Variants in PAFAH1B1 observed in about 807,000 individuals in gnomAD.
The protein encoded by PAFAH1B1 is platelet-activating factor acetylhydrolase IB subunit beta.
In PAFAH1B1, 2 loss-of-function variants were observed where a neutral mutation model predicts 57.5. That is an observed-to-expected ratio of 0.03 (90% CI 0.01 to 0.11). The LOEUF (loss-of-function observed/expected upper bound fraction) is 0.11. Ranked by LOEUF, PAFAH1B1 falls within the 10% of genes least tolerant of loss-of-function variation. The pLI, the probability that PAFAH1B1 is intolerant of heterozygous loss-of-function variation, is 1.00. For missense variants in PAFAH1B1, 257 were observed against 512.0 expected, an observed-to-expected ratio of 0.50 and a Z score of 4.81; for synonymous variants, 152 against 169.6, an observed-to-expected ratio of 0.90 and a Z score of 0.81.
intron 1 of PAFAH1B1, among the ~76,000 whole-genome samples, chr17:2,601,738 G>C (rs540883974): frequency 7.1e-4 from 108 of 151,986 alleles, no homozygotes; most frequent in Middle Eastern, 3.4e-3. Context: ...CACGGCGCCC[G>C]GCCTAATTTT....
chr17:2,680,251 G>C lies in PAFAH1B1; in HGVS notation c.1090G>C (p.Val364Leu). 1 of 1,614,046 alleles carries C rather than the reference G, an allele frequency of 6.2e-7. No homozygotes were observed. The change falls in exon 10 of 11, where the codon GTA becomes CTA. Residue 364 changes from valine (V) to leucine (L), a missense_variant. Physicochemically the swap from Val to Leu is conservative, Grantham distance 32. Coordinates refer to ENST00000397195, the MANE Select transcript of PAFAH1B1 (RefSeq NM_000430.4). ...TTGTGCTGATGACAAGACCCTACGC[G>C]TATGGGATTACAAGAACAAGCGATG... is the stretch of plus-strand genomic sequence containing the variant. ...LSCADDKTLR[V>L]WDYKNKRCMK...
intron 1 of PAFAH1B1, among the ~76,000 whole-genome samples, chr17:2,625,243 G>T (rs998228987): frequency 6.6e-5 from 10 of 152,016 alleles, no homozygotes; most frequent in African/African-American, 2.4e-4. Context: ...AGAAAGTCTG[G>T]ATATTGACAT....
chr17:2,666,650 TACTAAG>T lies in PAFAH1B1; in HGVS notation c.193-340_193-335del, dbSNP rs534154908. 1.2e-4 allele frequency among the ~76,000 whole-genome samples: 19 copies of T among 152,278 alleles called. No homozygotes were observed. In the South Asian group the frequency reaches 3.9e-3, roughly 32 times the overall value. ...TATATAATGTGGTTTGGAAAGAACTTACTAAGAGTAGCAGCCTTAGAGGGACCAAGA... is the reference window on the plus strand; with the variant it reads ...TATATAATGTGGTTTGGAAAGAACTTAGTAGCAGCCTTAGAGGGACCAAGA... On this transcript the variant is annotated intron_variant, in intron 4 of 10. Coordinates refer to ENST00000397195, the MANE Select transcript of PAFAH1B1 (RefSeq NM_000430.4).
Position 2,681,849 on chromosome 17 carries a change from CTGA to C in PAFAH1B1, c.*52_*54del. 1 of 1,331,246 alleles carries C rather than the reference CTGA, an allele frequency of 7.5e-7. No individual in the cohort carries two copies. Among genetic ancestry groups the C allele is most frequent in the South Asian group, 1.2e-5 (1 of 83,944 alleles). The allele number at this position is 1,331,246 out of a possible 1,614,324, so 82.5% of individuals were successfully genotyped here. On this transcript the variant is annotated 3_prime_UTR_variant, in exon 11 of 11. Coordinates refer to ENST00000397195, the MANE Select transcript of PAFAH1B1 (RefSeq NM_000430.4). Reference sequence around the variant, plus strand: ...CTCCCTCTTTTCCTCTGGATGCACTCTGATGATACCATGGTTACCCCATTGAGC... The same window carrying C: ...CTCCCTCTTTTCCTCTGGATGCACTCTGATACCATGGTTACCCCATTGAGC...
At chr17:2,677,757 G>C (rs1451241567) in intron 9 of PAFAH1B1, among the ~76,000 whole-genome samples, 5 of 152,026 alleles carry the variant, frequency 3.3e-5, no homozygotes, top group African/African-American at 1.2e-4. Flanking sequence ...GGGAGGCTGA[G>C]GCAGGAGAAT....
chr17:2,679,032 A>G (rs1285176802), intron 9 of PAFAH1B1, among the ~76,000 whole-genome samples: 1 of 152,236 alleles, frequency 6.6e-6, no homozygotes, highest in Admixed American at 6.5e-5. Context: ...TTAATATTAT[A>G]TATTAAAGTA....
chr17:2,624,923 A>G (rs1238849935), intron 1 of PAFAH1B1, among the ~76,000 whole-genome samples: 1 of 152,320 alleles, frequency 6.6e-6, no homozygotes, highest in East Asian at 1.9e-4. Context: ...TTACCGGATA[A>G]GTCTTTATTT....
At chr17:2,680,343 C>G (rs758340332) in intron 10 of PAFAH1B1, 23 bp downstream of exon 10, 11 of 1,610,378 alleles carry the variant, frequency 6.8e-6, no homozygotes, top group East Asian at 4.5e-5. Flanking sequence ...CGCGAGGTCT[C>G]TGAACATTAG....
chr17:2,675,104 C>T (rs1158024258), intron 8 of PAFAH1B1, among the ~76,000 whole-genome samples: 5 of 152,280 alleles, frequency 3.3e-5, no homozygotes, highest in East Asian at 1.9e-4. Flanking sequence ...CAGGTTCAGG[C>T]GATTCTCCTG....
At chr17:2,604,917 G>A (rs747034196) in intron 1 of PAFAH1B1, among the ~76,000 whole-genome samples, 26 of 152,336 alleles carry the variant, frequency 1.7e-4, no homozygotes, top group East Asian at 5.8e-4. Flanking sequence ...GCTGGTAATA[G>A]TTTGGCAGAG....
chr17:2,654,699 T>C (rs993570297), intron 2 of PAFAH1B1, among the ~76,000 whole-genome samples: 12 of 152,286 alleles, frequency 7.9e-5, no homozygotes, highest in African/African-American at 2.9e-4. Flanking sequence ...TGGAGTGCAG[T>C]GGCTCAATCT....
intron 5 of PAFAH1B1, 150 bp from the exon 6 acceptor site, chr17:2,670,013 C>T: frequency 1.4e-6 from 1 of 721,280 alleles, no homozygotes; most frequent in Non-Finnish European, 2.5e-6. Flanking sequence ...CCAATTTATA[C>T]ATGAGATACA....
intron 2 of PAFAH1B1, among the ~76,000 whole-genome samples, chr17:2,652,295 G>A (rs1489515531): frequency 1.3e-5 from 2 of 152,086 alleles, no homozygotes; most frequent in Non-Finnish European, 2.9e-5. Flanking sequence ...GGTGCCTGTA[G>A]TCCCAGCTAC....
chr17:2,665,937 G>A lies in PAFAH1B1; in HGVS notation c.118-79G>A. On this transcript the variant is annotated intron_variant, in intron 3 of 10. Transcript: ENST00000397195. ...TATAATCAGATTTTTAGTAATATTTGGACTTAAAGATGAATGATCTTTGTC... is the reference window on the plus strand; with the variant it reads ...TATAATCAGATTTTTAGTAATATTTAGACTTAAAGATGAATGATCTTTGTC... 7 of 1,283,886 alleles carry A rather than the reference G, an allele frequency of 5.5e-6. No individual in the cohort carries two copies. The South Asian group carries it at 9.6e-5, about 18-fold the overall frequency. 79.5% of individuals were successfully genotyped at this position (1,283,886 alleles called of 1,614,324 possible).
chr17:2,597,628 C>A (rs1053116451), intron 1 of PAFAH1B1, among the ~76,000 whole-genome samples: 1 of 151,520 alleles, frequency 6.6e-6, no homozygotes, highest in Admixed American at 6.6e-5. Flanking sequence ...TCAGGTTGGT[C>A]TGGAACTCCT....
intron 1 of PAFAH1B1, among the ~76,000 whole-genome samples, chr17:2,616,302 A>G (rs1366095637): frequency 2.0e-5 from 3 of 152,174 alleles, no homozygotes; most frequent in East Asian, 3.9e-4. Context: ...GTATGGCAGT[A>G]TATTAGGTTT....
At chr17:2,672,410 C>T (rs1166012713) in intron 6 of PAFAH1B1, among the ~76,000 whole-genome samples, 3 of 150,808 alleles carry the variant, frequency 2.0e-5, no homozygotes, top group East Asian at 3.9e-4. Flanking sequence ...TGTTTTTAAA[C>T]CATTTGTACA....
chr17:2,670,053 T>C, intron 5 of PAFAH1B1, 110 bp from the exon 6 acceptor site: 1 of 863,758 alleles, frequency 1.2e-6, no homozygotes, highest in South Asian at 1.3e-5. Context: ...CCTTTGTTAC[T>C]TGTTCGGTTA....
At chr17:2,607,232 G>A (rs867232143) in intron 1 of PAFAH1B1, among the ~76,000 whole-genome samples, 3 of 152,008 alleles carry the variant, frequency 2.0e-5, no homozygotes, top group Middle Eastern at 6.8e-3. Context: ...GGAGTGCAGT[G>A]GTGTAATATC....
Sources: gnomAD v4.1 joint callset for allele counts (sites outside exome capture counted in the v4.1 genomes callset) on GRCh38, gnomAD v4.1.1 for gene constraint, MANE v1.5 for transcripts, NCBI Gene and HGNC (gene_info 2026-07-23, HGNC 2026-07-21) for gene names.